CENPP: variants seen among roughly 807,000 people sequenced by gnomAD.
CENPP encodes centromere protein P.
Under a neutral mutation model 35.6 loss-of-function variants are expected in CENPP, and 24 were observed. The ratio of observed to expected loss-of-function variants is 0.67; its 90% CI spans 0.49 to 0.95. CENPP has a LOEUF of 0.95. Ranked by LOEUF, CENPP falls within the 40% of genes least tolerant of loss-of-function variation. The probability of loss-of-function intolerance (pLI) is 0.00; values close to 1 mark genes in which losing one functional copy is unlikely to be tolerated. For synonymous variants in CENPP, 120 were observed against 125.5 expected (o/e 0.96, Z 0.29); for missense variants, 332 against 345.3 (o/e 0.96, Z 0.31).
At chr9:92,336,278 AT>A (rs534365833) in intron 2 of CENPP, among the ~76,000 whole-genome samples, 113 of 152,326 alleles carry the variant, frequency 7.4e-4, no homozygotes, top group Admixed American at 1.4e-3. Flanking sequence ...AATTATGTCA[AT>A]TTGTACCATT....
chr9:92,363,566 A>C (rs189892234), intron 4 of CENPP, among the ~76,000 whole-genome samples: 20 of 152,274 alleles, frequency 1.3e-4, no homozygotes, highest in Admixed American at 1.2e-3. Context: ...ACACTGTATG[A>C]TGTTCCTATA....
Position 92,428,613 on chromosome 9 carries a change from G to A in CENPP, c.564+48754G>A, listed in dbSNP as rs1844026651. On this transcript the variant is annotated intron_variant, in intron 5 of 7. Coordinates refer to ENST00000375587, the MANE Select transcript of CENPP (RefSeq NM_001012267.3). ...TCTCAAACCCAGGTGTTCTGGGTAG[G>A]GTCTTGACTATGTTCATACATCTCC... 2.1e-5 allele frequency among the ~76,000 whole-genome samples: 3 copies of A among 146,032 alleles called. No homozygotes were observed. In the South Asian group the frequency reaches 7.0e-4, roughly 34 times the overall value.
At chr9:92,366,237 T>C (rs1248678097) in intron 4 of CENPP, among the ~76,000 whole-genome samples, 2 of 151,678 alleles carry the variant, frequency 1.3e-5, no homozygotes, top group African/African-American at 4.8e-5. Context: ...TAAAAACTTA[T>C]ATATTTATGA....
intron 5 of CENPP, among the ~76,000 whole-genome samples, chr9:92,531,580 T>G (rs1285678095): frequency 4.6e-5 from 7 of 152,200 alleles, no homozygotes; most frequent in Admixed American, 4.6e-4. Flanking sequence ...AGGCTATTTA[T>G]CAGCAATCCG....
chr9:92,501,101 T>C (rs970729664), intron 5 of CENPP: 3 of 1,565,582 alleles, frequency 1.9e-6, no homozygotes, highest in African/African-American at 1.4e-5. Context: ...AGGATGGTGA[T>C]CATCAGCTCT....
intron 5 of CENPP, among the ~76,000 whole-genome samples, chr9:92,543,582 GA>G (rs950367193): frequency 5.6e-5 from 8 of 142,280 alleles, no homozygotes; most frequent in African/African-American, 1.8e-4. Context: ...GAATGACATT[GA>G]AAAAAAAAGT....
intron 4 of CENPP, among the ~76,000 whole-genome samples, chr9:92,370,240 G>T (rs544884241): frequency 1.3e-5 from 2 of 152,190 alleles, no homozygotes; most frequent in African/African-American, 4.8e-5. Context: ...TGAAGATTTT[G>T]CATCTGTGTT....
intron 5 of CENPP, among the ~76,000 whole-genome samples, chr9:92,570,762 T>G (rs1365386407): frequency 6.6e-6 from 1 of 152,200 alleles, no homozygotes; most frequent in Non-Finnish European, 1.5e-5. Flanking sequence ...CAGAGTCTGT[T>G]ATTGGTCTAT....
intron 5 of CENPP, among the ~76,000 whole-genome samples, chr9:92,513,804 G>A (rs543232682): frequency 1.3e-5 from 2 of 152,314 alleles, no homozygotes; most frequent in East Asian, 3.9e-4. Context: ...GAATTTTGGG[G>A]AGTGATAGAA....
Position 92,613,147 on chromosome 9 carries a change from T to G in CENPP, c.865T>G (p.Ter289GluextTer9). ...IKSLCAEENN[*>E] ...ATCGCTTTGTGCAGAGGAGAACAAC[T>G]AGTTCCAAAACAGTGAACGTGGAGG... Residue 289 changes from the stop codon to glutamate (E), a stop_lost, in exon 8 of 8, where the codon TAG becomes GAG. Transcript: ENST00000375587. 1 of 1,614,112 alleles carries G rather than the reference T, an allele frequency of 6.2e-7. No homozygotes were observed. The highest frequency in any genetic ancestry group is 8.5e-7 in the Non-Finnish European group (1 of 1,180,018).
chr9:92,559,230 C>G (rs543496986), intron 5 of CENPP, among the ~76,000 whole-genome samples: 1 of 152,206 alleles, frequency 6.6e-6, no homozygotes, highest in Non-Finnish European at 1.5e-5. Context: ...GCCGCCCTCC[C>G]GATGGATCCC....
At position 92,618,710 on chromosome 9, in the gene CENPP, T is replaced by C. The variant is rs530076492; in HGVS notation, c.*5561T>C. ...CAGTTAGCCCTATAATGTTCCTCAG[T>C]ATTTCATATTGGAAAGTAAACAATT... is the stretch of plus-strand genomic sequence containing the variant. On this transcript the variant is annotated 3_prime_UTR_variant, in exon 8 of 8. Transcript: ENST00000375587. 1.1e-4 allele frequency: 42 copies of C among 372,802 alleles called. No individual in the cohort carries two copies. The highest frequency in any genetic ancestry group is 8.6e-4 in the African/African-American group (41 of 47,510). The allele number at this position is 372,802 out of a possible 1,614,324, so 23.1% of individuals were successfully genotyped here. A position where few individuals can be genotyped will look rare whatever the true frequency, so the allele number is the denominator to read the frequency against.
chr9:92,430,589 C>T (rs1196666285), intron 5 of CENPP, among the ~76,000 whole-genome samples: 1 of 152,038 alleles, frequency 6.6e-6, no homozygotes, highest in African/African-American at 2.4e-5. Context: ...CTCCTGAACT[C>T]GGGTGATCTG....
At chr9:92,509,733 C>T (rs1159767361) in intron 5 of CENPP, among the ~76,000 whole-genome samples, 4 of 152,138 alleles carry the variant, frequency 2.6e-5, no homozygotes, top group Admixed American at 6.5e-5. Context: ...ATTCATTTTA[C>T]GTTTTACCAG....
intron 5 of CENPP, among the ~76,000 whole-genome samples, chr9:92,559,652 T>A (rs1473957390): frequency 6.6e-6 from 1 of 152,048 alleles, no homozygotes; most frequent in African/African-American, 2.4e-5. Flanking sequence ...ATCCCCTCCA[T>A]CTCTTAATTT....
At chr9:92,452,592 A>G (rs1453138355) in intron 5 of CENPP, among the ~76,000 whole-genome samples, 2 of 152,176 alleles carry the variant, frequency 1.3e-5, no homozygotes, top group African/African-American at 4.8e-5. Context: ...AGGCTTTGGT[A>G]TCAGGATGAT....
At chr9:92,409,269 T>A (rs1396801281) in intron 5 of CENPP, among the ~76,000 whole-genome samples, 7 of 152,338 alleles carry the variant, frequency 4.6e-5, no homozygotes, top group Middle Eastern at 3.4e-3. Flanking sequence ...TGATTTAATT[T>A]TGTTTCCAGC....
intron 5 of CENPP, among the ~76,000 whole-genome samples, chr9:92,408,331 A>G (rs1004475376): frequency 2.0e-5 from 3 of 152,114 alleles, no homozygotes; most frequent in Non-Finnish European, 2.9e-5. Flanking sequence ...GACTACAGGC[A>G]TGCGCCACCA....
In CENPP at chr9:92,615,864, C is replaced by G. The variant is rs764998921; in HGVS notation, c.*2715C>G. On this transcript the variant is annotated 3_prime_UTR_variant, in exon 8 of 8. Transcript: ENST00000375587. ...TTGTGGAGAACTAATGTGCAATCTT[C>G]GCTTTCCTTGAACCGAGTCGACATC... The G allele has an allele frequency of 1.2e-6, 2 of 1,614,114 alleles. No homozygotes were observed. Among genetic ancestry groups the G allele is most frequent in the Non-Finnish European group, 1.7e-6 (2 of 1,179,942 alleles).
Sources: allele counts gnomAD v4.1 joint callset (sites outside exome capture counted in the v4.1 genomes callset), GRCh38; gene constraint gnomAD v4.1.1; transcripts MANE v1.5; gene names NCBI Gene and HGNC (gene_info 2026-07-23, HGNC 2026-07-21).